Variants in POC1A observed in about 807,000 individuals in gnomAD.
POC1A encodes POC1 centriolar protein A.
In POC1A, 34 loss-of-function variants were observed where a neutral mutation model predicts 47.8. The ratio of observed to expected loss-of-function variants is 0.71; its 90% CI spans 0.54 to 0.95. POC1A has a LOEUF of 0.95. Ranked by LOEUF, POC1A falls within the 40% of genes least tolerant of loss-of-function variation. The pLI is 0.00. For synonymous variants in POC1A, 177 were observed against 207.6 expected (o/e 0.85, Z 1.27); for missense variants, 466 against 528.3 (o/e 0.88, Z 1.16).
chr3:52,088,676 T>C (rs1290295749), intron 10 of POC1A, among the ~76,000 whole-genome samples: 1 of 152,088 alleles, frequency 6.6e-6, no homozygotes, highest in Non-Finnish European at 1.5e-5. Context: ...GCCCCTTTCT[T>C]GTGGCCTGTG....
At chr3:52,113,218 A>G (rs1460888431) in intron 9 of POC1A, among the ~76,000 whole-genome samples, 1 of 152,244 alleles carries the variant, frequency 6.6e-6, no homozygotes, top group Non-Finnish European at 1.5e-5. Flanking sequence ...GTAATTATTT[A>G]ACATGTACCT....
At chr3:52,098,150 G>A (rs550943179) in intron 9 of POC1A, among the ~76,000 whole-genome samples, 1 of 152,318 alleles carries the variant, frequency 6.6e-6, no homozygotes, top group African/African-American at 2.4e-5. Flanking sequence ...TGTGAGAGGT[G>A]CTTATCTGAA....
chr3:52,081,444 C>T (rs1160219274), intron 10 of POC1A, among the ~76,000 whole-genome samples: 1 of 152,192 alleles, frequency 6.6e-6, no homozygotes. Context: ...CAGGGTGCAC[C>T]ACAGTTCAAC....
chr3:52,080,975 T>C (rs1461072423), intron 10 of POC1A, among the ~76,000 whole-genome samples: 1 of 152,146 alleles, frequency 6.6e-6, no homozygotes, highest in Non-Finnish European at 1.5e-5. Context: ...CCTCATGGGG[T>C]GTGGTCAGCA....
chr3:52,078,391 T>C (rs1041675497), intron 10 of POC1A, among the ~76,000 whole-genome samples: 3 of 152,030 alleles, frequency 2.0e-5, no homozygotes, highest in African/African-American at 7.2e-5. Flanking sequence ...AAAATCCTAC[T>C]TTCTTAAAAA....
intron 9 of POC1A, among the ~76,000 whole-genome samples, chr3:52,102,241 A>C (rs981108300): frequency 6.6e-6 from 1 of 152,198 alleles, no homozygotes; most frequent in African/African-American, 2.4e-5. Context: ...ATATATTATT[A>C]ATAGTTTCCT....
chr3:52,127,571 T>A (rs912629271), intron 7 of POC1A, among the ~76,000 whole-genome samples: 3 of 151,442 alleles, frequency 2.0e-5, no homozygotes, highest in Non-Finnish European at 4.4e-5. Flanking sequence ...TTTTTTGTAT[T>A]TTTAGTAGAG....
intron 4 of POC1A, among the ~76,000 whole-genome samples, chr3:52,148,789 T>C (rs564689873): frequency 2.1e-4 from 32 of 152,342 alleles, no homozygotes; most frequent in African/African-American, 7.2e-4. Context: ...TGGGACAAGA[T>C]ACTACTGTTC....
intron 10 of POC1A, among the ~76,000 whole-genome samples, chr3:52,082,998 T>C (rs1230991640): frequency 1.3e-5 from 2 of 152,110 alleles, no homozygotes; most frequent in Non-Finnish European, 2.9e-5. Context: ...TGCCGTATCA[T>C]CCTCCACGCC....
intron 9 of POC1A, among the ~76,000 whole-genome samples, chr3:52,109,534 G>A (rs1467698399): frequency 1.3e-5 from 2 of 151,932 alleles, no homozygotes; most frequent in East Asian, 1.9e-4. Flanking sequence ...AAGGAGCTGC[G>A]GAGCTGATCC....
At chr3:52,139,295 T>C (rs1454958804) in intron 6 of POC1A, among the ~76,000 whole-genome samples, 1 of 152,124 alleles carries the variant, frequency 6.6e-6, no homozygotes, top group East Asian at 1.9e-4. Context: ...GCCCCCTGTG[T>C]TCCATGCAAC....
intron 1 of POC1A, among the ~76,000 whole-genome samples, chr3:52,152,997 A>G (rs575587306): frequency 6.6e-6 from 1 of 152,336 alleles, no homozygotes; most frequent in East Asian, 1.9e-4. Context: ...TTAGTTTGCC[A>G]AGGGTTGGGA....
At chr3:52,096,545 G>A (rs369098258) in intron 10 of POC1A, 24 bp downstream of exon 10, 142 of 1,519,760 alleles carry the variant, frequency 9.3e-5, no homozygotes, top group Non-Finnish European at 1.1e-4. Flanking sequence ...ACGGGATGAC[G>A]GGTGAACCCA....
intron 5 of POC1A, among the ~76,000 whole-genome samples, chr3:52,146,529 TC>T (rs1377048804): frequency 3.3e-5 from 5 of 152,212 alleles, no homozygotes; most frequent in African/African-American, 1.2e-4. Flanking sequence ...CACCTCTCTC[TC>T]CTGATGATGT....
At chr3:52,127,405 T>C (rs1255649675) in intron 7 of POC1A, among the ~76,000 whole-genome samples, 1 of 152,046 alleles carries the variant, frequency 6.6e-6, no homozygotes, top group African/African-American at 2.4e-5. Context: ...TTTTTTTTTT[T>C]TTTGAGGCAG....
chr3:52,118,109 T>C (rs1397415066), intron 9 of POC1A, among the ~76,000 whole-genome samples: 3 of 152,126 alleles, frequency 2.0e-5, no homozygotes, highest in Non-Finnish European at 4.4e-5. Context: ...CTCCCATCCC[T>C]TGCCCACCCT....
In POC1A at chr3:52,090,988, GC is replaced by G; in HGVS notation, c.1125+5580del. On this transcript the variant is annotated intron_variant, in intron 10 of 10. Transcript: ENST00000296484. This position sits in a 1 kb window ranked among gnomAD's most constrained non-coding sequence, Gnocchi z 4.2. ...GCTTAAAATCTCCCCTTGGTGGAAAGCCAAAAAGAGGCAGAGATGGGTCTGA... is the reference window on the plus strand; with the variant it reads ...GCTTAAAATCTCCCCTTGGTGGAAAGCAAAAAGAGGCAGAGATGGGTCTGA... Among the ~76,000 whole-genome samples the G allele has an allele frequency of 6.6e-6, 1 of 152,346 alleles. No homozygotes were observed. Among genetic ancestry groups the G allele is most frequent in the South Asian group, 2.1e-4 (1 of 4,832 alleles).
At chr3:52,142,118 G>A (rs748019960) in intron 6 of POC1A, among the ~76,000 whole-genome samples, 2 of 152,244 alleles carry the variant, frequency 1.3e-5, no homozygotes, top group Non-Finnish European at 2.9e-5. Context: ...ACTGTGGGCT[G>A]CATGCTCCGC....
intron 10 of POC1A, among the ~76,000 whole-genome samples, chr3:52,083,208 G>A (rs921406965): frequency 3.9e-5 from 6 of 152,134 alleles, no homozygotes; most frequent in South Asian, 2.1e-4. Context: ...AGGCATGGGC[G>A]GTGTGACACT....
Sources: gnomAD v4.1 joint callset for allele counts (sites outside exome capture counted in the v4.1 genomes callset) on GRCh38, gnomAD v4.1.1 for gene constraint, Gnocchi (gnomAD v3.1) non-coding constraint, MANE v1.5 for transcripts, NCBI Gene and HGNC (gene_info 2026-07-23, HGNC 2026-07-21) for gene names.